ZNF225: variants seen among roughly 807,000 people sequenced by gnomAD.
The protein encoded by ZNF225 is zinc finger protein 225.
A neutral mutation model predicts 12.0 loss-of-function variants in ZNF225; 6 were observed. The ratio of observed to expected loss-of-function variants is 0.50; its 90% confidence interval spans 0.27 to 0.98. The LOEUF is 0.98. Ranked by LOEUF, ZNF225 falls within the 50% of genes least tolerant of loss-of-function variation. ZNF225 has a pLI of 0.11. For missense variants in ZNF225, 763 were observed against 848.2 expected (o/e 0.90, Z 1.25); for synonymous variants, 271 against 283.2 (o/e 0.96, Z 0.43).
In ZNF225 at chr19:44,131,358, T is replaced by C. The variant is rs1968253731; in HGVS notation, c.744T>C (p.Tyr248=). 1.9e-6 allele frequency: 3 copies of C among 1,614,210 alleles called. No homozygotes were observed. The highest frequency in any genetic ancestry group is 1.1e-5 in the South Asian group (1 of 91,080). ...GCTTTAGTCGTAGATCAGGACTTTA[T>C]GTTCATCGTAAATTACACACAGGAG... ...GKGFSRRSGL[Y]VHRKLHTGVK... is the part of the protein sequence containing the mutation. Residue 248 remains tyrosine (Y), a synonymous_variant, in exon 5 of 5, where the codon TAT becomes TAC. Coordinates refer to ENST00000262894, the MANE Select transcript of ZNF225 (RefSeq NM_013362.4).
Position 44,131,188 on chromosome 19 carries a change from C to T in ZNF225, c.574C>T (p.Arg192Cys), listed in dbSNP as rs775610091. The T allele has an allele frequency of 2.1e-5, 34 of 1,614,002 alleles. No homozygotes were observed. The highest frequency in any genetic ancestry group is 1.3e-4 in the African/African-American group (10 of 74,890). The change falls in exon 5 of 5, where the codon CGT becomes TGT. Residue 192 changes from arginine to cysteine, a missense_variant. Transcript: ENST00000262894. The stretch of plus-strand genomic sequence containing the variant: ...GAGTTTCTGTTATAGCTCAGCTCTT[C>T]GTATTCATCAGAGAGTTCACATGGG... ...GKSFCYSSALRIHQRVHMGEK... is the reference protein window; with the variant it reads ...GKSFCYSSALCIHQRVHMGEK...
Position 44,132,486 on chromosome 19 carries a change from C to T in ZNF225, c.1872C>T (p.Tyr624=). The T allele has an allele frequency of 6.2e-7, 1 of 1,613,970 alleles. No homozygotes were observed. The highest frequency in any genetic ancestry group is 8.5e-7 in the Non-Finnish European group (1 of 1,179,936). Residue 624 remains tyrosine, a synonymous_variant, in exon 5 of 5, where the codon TAC becomes TAT. Transcript: ENST00000262894. ...GGGTTCACACTGGGGAAAAGCCATACAAATGTGAGAAGTGTGGAAAGAGCT... is the reference window on the plus strand; with the variant it reads ...GGGTTCACACTGGGGAAAAGCCATATAAATGTGAGAAGTGTGGAAAGAGCT... The part of the protein sequence containing the change: ...HQRVHTGEKP[Y]KCEKCGKSFR...
At chr19:44,112,766 T>C (rs769769835), upstream of ZNF225, 15 of 152,264 alleles carry the variant, frequency 9.9e-5, no homozygotes, top group Admixed American at 4.6e-4. Context: ...GATGTTCCAC[T>C]TTATTTACAA....
At chr19:44,116,828 G>A (rs1032020277) in intron 2 of ZNF225, among the ~76,000 whole-genome samples, 4 of 152,048 alleles carry the variant, frequency 2.6e-5, no homozygotes, top group African/African-American at 4.8e-5. Context: ...CAGTGTACAC[G>A]TATCCTCTTG....
At chr19:44,116,975 T>G (rs967978357) in intron 2 of ZNF225, among the ~76,000 whole-genome samples, 5 of 152,186 alleles carry the variant, frequency 3.3e-5, no homozygotes, top group Non-Finnish European at 5.9e-5. Flanking sequence ...AAAATGTTTT[T>G]TTTTACAGGA....
chr19:44,131,660 G>A lies in ZNF225; in HGVS notation c.1046G>A (p.Cys349Tyr), dbSNP rs747540116. 3.1e-6 allele frequency: 5 copies of A among 1,614,174 alleles called. No homozygotes were observed. Among genetic ancestry groups the A allele is most frequent in the Non-Finnish European group, 4.2e-6 (5 of 1,180,012 alleles). ...TGEKRYKCEE[C>Y]GKRFIYRQDL... ...GAGAAACGGTACAAATGTGAGGAATGTGGAAAACGCTTCATTTATAGGCAA... is the reference window on the plus strand; with the variant it reads ...GAGAAACGGTACAAATGTGAGGAATATGGAAAACGCTTCATTTATAGGCAA... The change falls in exon 5 of 5, where the codon TGT becomes TAT. Residue 349 changes from cysteine (C) to tyrosine (Y), a missense_variant. Coordinates refer to ENST00000262894, the MANE Select transcript of ZNF225 (RefSeq NM_013362.4).
upstream of ZNF225, chr19:44,112,412 T>C (rs1045420748): frequency 6.6e-6 from 1 of 152,226 alleles, no homozygotes; most frequent in African/African-American, 2.4e-5. Context: ...CCATACCCTA[T>C]CTGCCTAAGT....
chr19:44,130,033 C>G (rs1968214582), intron 4 of ZNF225: 1 of 152,072 alleles, frequency 6.6e-6, no homozygotes, highest in South Asian at 2.1e-4. Flanking sequence ...TTATTTCTAC[C>G]AAGTATTTCA....
At position 44,133,678 on chromosome 19, in the gene ZNF225, C is replaced by A. The variant is rs1236711; in HGVS notation, c.*943C>A. ...TCTAACAGTCTGGAACCAGTTAGGA[C>A]AAAGAGCAGGATTGAGCGCCATTCC... On this transcript the variant is annotated 3_prime_UTR_variant, in exon 5 of 5. Transcript: ENST00000262894. 57,923 of 151,774 alleles carry A rather than the reference C, an allele frequency of 0.38. 13,331 individuals carry two copies. The highest frequency in any genetic ancestry group is 0.53 in the Non-Finnish European group (36,162 of 67,906). 9.4% of individuals were successfully genotyped at this position (151,774 alleles called of 1,614,324 possible).
intron 4 of ZNF225, among the ~76,000 whole-genome samples, chr19:44,127,197 A>G (rs1254534000): frequency 1.3e-5 from 2 of 152,238 alleles, no homozygotes; most frequent in Admixed American, 6.5e-5. Flanking sequence ...TAGGGACCCA[A>G]CGAGGTCCCA....
intron 4 of ZNF225, among the ~76,000 whole-genome samples, chr19:44,128,183 A>G (rs1968185038): frequency 6.6e-6 from 1 of 152,226 alleles, no homozygotes; most frequent in Non-Finnish European, 1.5e-5. Context: ...AAGAATGAGG[A>G]TAAGGGTGAC....
chr19:44,111,822 G>A (rs1282492061), upstream of ZNF225: 1 of 152,144 alleles, frequency 6.6e-6, no homozygotes, highest in Non-Finnish European at 1.5e-5. Flanking sequence ...TTTTCTTTGG[G>A]TGATAAAAAT....
In ZNF225 at chr19:44,131,994, A is replaced by AT. The variant is rs1404915351; in HGVS notation, c.1381dup (p.Cys461LeufsTer25). On this transcript the variant is annotated frameshift_variant, in exon 5 of 5. Transcript: ENST00000262894. LOFTEE classifies it low-confidence loss of function (END_TRUNC). The stretch of plus-strand genomic sequence containing the variant: ...GAGAGAAACCCTATAATTGTAAGGA[A>AT]TGTGGGAAGAGCTTTGGCTGGGCCT... 6.2e-7 allele frequency: 1 copy of AT among 1,613,924 alleles called. No individual in the cohort carries two copies. The highest frequency in any genetic ancestry group is 1.7e-5 in the Admixed American group (1 of 59,986).
intron 4 of ZNF225, among the ~76,000 whole-genome samples, chr19:44,119,368 C>A (rs1488885725): frequency 6.6e-6 from 1 of 152,150 alleles, no homozygotes; most frequent in Non-Finnish European, 1.5e-5. Flanking sequence ...GTTCTTTAGG[C>A]CTGAAGTCTG....
At position 44,132,746 on chromosome 19, in the gene ZNF225, C is replaced by T; in HGVS notation, c.*11C>T. 2 of 1,554,196 alleles carry T rather than the reference C, an allele frequency of 1.3e-6. No homozygotes were observed. The highest frequency in any genetic ancestry group is 1.7e-6 in the Non-Finnish European group (2 of 1,150,756). On this transcript the variant is annotated 3_prime_UTR_variant, in exon 5 of 5. Coordinates refer to ENST00000262894, the MANE Select transcript of ZNF225 (RefSeq NM_013362.4). ...TTAAATGACACATAACTGTTGTACTCATTTATGGGGTACAGTGTGATAGTT... is the reference window on the plus strand; with the variant it reads ...TTAAATGACACATAACTGTTGTACTTATTTATGGGGTACAGTGTGATAGTT...
At chr19:44,118,667 GC>G in intron 4 of ZNF225, 93 bp downstream of exon 4, 1 of 1,258,992 alleles carries the variant, frequency 7.9e-7, no homozygotes. Context: ...GGTCTAAATG[GC>G]CAGACCTCTT....
At position 44,131,375 on chromosome 19, in the gene ZNF225, A is replaced by T; in HGVS notation, c.761A>T (p.His254Leu). 6.2e-7 allele frequency: 1 copy of T among 1,614,228 alleles called. No individual in the cohort carries two copies. Among genetic ancestry groups the T allele is most frequent in the Non-Finnish European group, 8.5e-7 (1 of 1,180,038 alleles). Residue 254 changes from histidine (H) to leucine (L), a missense_variant, in exon 5 of 5, where the codon CAC becomes CTC. By Grantham distance (99) the His-to-Leu change is moderately conservative. Transcript: ENST00000262894. ...RSGLYVHRKL[H>L]TGVKPHICEK... ...GGACTTTATGTTCATCGTAAATTAC[A>T]CACAGGAGTGAAACCTCATATTTGT...
At chr19:44,127,596 G>A (rs1256190792) in intron 4 of ZNF225, among the ~76,000 whole-genome samples, 1 of 152,088 alleles carries the variant, frequency 6.6e-6, no homozygotes, top group East Asian at 1.9e-4. Context: ...TTTGTAGGGA[G>A]AATATTCATC....
At chr19:44,125,201 C>G (rs1446860993) in intron 4 of ZNF225, among the ~76,000 whole-genome samples, 1 of 152,150 alleles carries the variant, frequency 6.6e-6, no homozygotes, top group Non-Finnish European at 1.5e-5. Flanking sequence ...AGATTTAGAG[C>G]TCCTTTTAGC....
Sources: allele counts gnomAD v4.1 joint callset (sites outside exome capture counted in the v4.1 genomes callset), GRCh38; gene constraint gnomAD v4.1.1; transcripts MANE v1.5; gene names NCBI Gene and HGNC (gene_info 2026-07-23, HGNC 2026-07-21).